The following DNAH7 variants were observed in gnomAD, a reference collection of about 807,000 sequenced individuals.
The protein encoded by DNAH7 is axonemal beta dynein heavy chain 7.
Under a neutral mutation model 444.6 loss-of-function variants are expected in DNAH7, and 397 were observed. The ratio of observed to expected loss-of-function variants is 0.89; its 90% CI spans 0.82 to 0.97. DNAH7 has a LOEUF of 0.97. DNAH7 is among the 50% of genes least tolerant of loss of function. The pLI is 0.00. For synonymous variants in DNAH7, 1,636 were observed against 1,624.4 expected, an observed-to-expected ratio of 1.01 and a Z score of -0.17; for missense variants, 4,902 against 4,800.8, an observed-to-expected ratio of 1.02 and a Z score of -0.62.
At chr2:195,741,819 T>C (rs1693053170) in intron 63 of DNAH7, among the ~76,000 whole-genome samples, 1 of 152,202 alleles carries the variant, frequency 6.6e-6, no homozygotes, top group South Asian at 2.1e-4. Flanking sequence ...ATGGAAATGT[T>C]CTATGTGTTG....
chr2:195,812,608 C>A (rs1482325558), intron 51 of DNAH7, among the ~76,000 whole-genome samples: 6 of 152,132 alleles, frequency 3.9e-5, no homozygotes, highest in Admixed American at 3.3e-4. Flanking sequence ...ATATACCATA[C>A]TAGTCGTAAC....
intron 5 of DNAH7, 111 bp from the exon 6 acceptor site, chr2:196,028,158 G>T: frequency 1.2e-6 from 1 of 837,078 alleles, no homozygotes; most frequent in Non-Finnish European, 1.8e-6. Flanking sequence ...AAGGAAAAAT[G>T]AATTGTTGAA....
At chr2:196,051,595 G>A (rs555897111) in intron 2 of DNAH7, among the ~76,000 whole-genome samples, 12 of 152,022 alleles carry the variant, frequency 7.9e-5, no homozygotes, top group Admixed American at 5.2e-4. Flanking sequence ...GTGAAACCCC[G>A]TCTCTACTAA....
chr2:195,770,549 C>T (rs1694786361), intron 61 of DNAH7, among the ~76,000 whole-genome samples: 1 of 152,034 alleles, frequency 6.6e-6, no homozygotes, highest in African/African-American at 2.4e-5. Flanking sequence ...CTGAAATACT[C>T]TTCCCTGAAA....
At chr2:195,888,680 A>C (rs1366157091) in intron 32 of DNAH7, 119 bp downstream of exon 32, 10 of 1,096,602 alleles carry the variant, frequency 9.1e-6, no homozygotes, top group Admixed American at 2.9e-5. Context: ...TGAGAATCAC[A>C]GATCGCTCTT....
At chr2:195,999,221 G>T (rs1337249188) in intron 12 of DNAH7, 7 of 717,302 alleles carry the variant, frequency 9.8e-6, no homozygotes, top group South Asian at 8.9e-5. Context: ...AAGTAAAAAT[G>T]TCCTGGTTTT....
rs202225297 is a variant in DNAH7 at position 195,861,934 on chromosome 2, C to T, written c.7519G>A (p.Asp2507Asn). ...CGTGAGGCAACTGCCTGGAGTGCAT[C>T]TTCAGGCCATGACTAAATGTAAGAT... ...TIDWFQSWPEDALQAVASRFL... is the reference protein window; with the variant it reads ...TIDWFQSWPENALQAVASRFL... The change falls in exon 42 of 65, where the codon GAT becomes AAT. Residue 2507 changes from aspartate (D) to asparagine (N), a missense_variant. Coordinates refer to ENST00000312428, the MANE Select transcript of DNAH7 (RefSeq NM_018897.3). 70 of 1,612,970 alleles carry T rather than the reference C, an allele frequency of 4.3e-5. No homozygotes were observed. Among genetic ancestry groups the T allele is most frequent in the Non-Finnish European group, 4.9e-5 (58 of 1,179,114 alleles).
chr2:196,051,452 C>T (rs986456993), intron 2 of DNAH7, among the ~76,000 whole-genome samples: 3 of 152,026 alleles, frequency 2.0e-5, no homozygotes, highest in Non-Finnish European at 4.4e-5. Flanking sequence ...AAATTATATC[C>T]AGCAATACTT....
At chr2:195,965,847 TTCTC>T (rs1156815533) in intron 17 of DNAH7, among the ~76,000 whole-genome samples, 2 of 152,250 alleles carry the variant, frequency 1.3e-5, no homozygotes, top group South Asian at 2.1e-4. Flanking sequence ...CATTTGGGTC[TTCTC>T]TCTTTTTTTC....
intron 2 of DNAH7, among the ~76,000 whole-genome samples, chr2:196,054,975 G>A (rs763431033): frequency 5.3e-5 from 8 of 152,224 alleles, no homozygotes; most frequent in South Asian, 2.1e-4. Flanking sequence ...ACCCAGTTTC[G>A]GGTATTTCTT....
chr2:195,995,236 A>T (rs1184382762), intron 12 of DNAH7: 1 of 390,344 alleles, frequency 2.6e-6, no homozygotes, highest in Non-Finnish European at 5.0e-6. Flanking sequence ...CTATTTTTAG[A>T]CTTCTTAATG....
Position 196,068,802 on chromosome 2 carries a change from G to A in DNAH7, c.-91C>T, listed in dbSNP as rs760366729. 1.1e-5 allele frequency: 16 copies of A among 1,503,312 alleles called. No individual in the cohort carries two copies. Among genetic ancestry groups the A allele is most frequent in the Non-Finnish European group, 1.4e-5 (16 of 1,112,198 alleles). 93.1% of individuals were successfully genotyped at this position (1,503,312 alleles called of 1,614,324 possible). ...CGATAGAGGCAGGGCCCCGGGACTT[G>A]CAGCGGTCTCAGCTCCCTCCGCACC... is the stretch of plus-strand genomic sequence containing the variant. On this transcript the variant is annotated 5_prime_UTR_variant, in exon 1 of 65. Transcript: ENST00000312428.
At position 195,799,331 on chromosome 2, in the gene DNAH7, G is replaced by A. The variant is rs759353626; in HGVS notation, c.10318C>T (p.Pro3440Ser). Residue 3440 changes from proline to serine, a missense_variant, in exon 55 of 65, where the codon CCC becomes TCC. Transcript: ENST00000312428. ...LIFVLSPGAD[P>S]MAALLKFADD... ...GCAAATTTTAGAAGGGCAGCCATGG[G>A]ATCTGCTCCAGGAGAGAGCACGAAA... is the stretch of plus-strand genomic sequence containing the variant. 1.5e-5 allele frequency: 24 copies of A among 1,602,278 alleles called. No individual in the cohort carries two copies. The Admixed American group carries it at 3.9e-4, about 26-fold the overall frequency.
Position 195,782,129 on chromosome 2 carries a change from C to A in DNAH7, c.10879-4144G>T, listed in dbSNP as rs370388361. On this transcript the variant is annotated intron_variant, in intron 58 of 64. Coordinates refer to ENST00000312428, the MANE Select transcript of DNAH7 (RefSeq NM_018897.3). ...ACACTTTTAATTTTTTCTATTTAGTCTTTTTGGATCCAACAGAAATTATAT... is the reference window on the plus strand; with the variant it reads ...ACACTTTTAATTTTTTCTATTTAGTATTTTTGGATCCAACAGAAATTATAT... Among the ~76,000 whole-genome samples the A allele has an allele frequency of 1.1e-4, 17 of 152,166 alleles. No individual in the cohort carries two copies. The East Asian group carries it at 1.3e-3, about 12-fold the overall frequency.
At position 195,771,776 on chromosome 2, in the gene DNAH7, A is replaced by ACCTC. The variant is rs771903410; in HGVS notation, c.11313_11316dup (p.Tyr3773GlufsTer23). ...ATGCTCTGAGTATAAGTTGTTGGGT[A>ACCTC]CCTCCTCATGGCAGCCTCGATGTCG... On this transcript the variant is annotated frameshift_variant, in exon 61 of 65. Transcript: ENST00000312428. LOFTEE classifies it high-confidence loss of function. 3 of 1,614,082 alleles carry ACCTC rather than the reference A, an allele frequency of 1.9e-6. No individual in the cohort carries two copies. Among genetic ancestry groups the ACCTC allele is most frequent in the Non-Finnish European group, 2.5e-6 (3 of 1,180,020 alleles).
chr2:195,998,964 G>A, intron 12 of DNAH7: 1 of 610,734 alleles, frequency 1.6e-6, no homozygotes, highest in South Asian at 2.1e-5. Flanking sequence ...GCAGAAGTGA[G>A]CAGCTGCCCT....
intron 61 of DNAH7, among the ~76,000 whole-genome samples, chr2:195,762,047 T>C (rs546121742): frequency 4.6e-5 from 7 of 152,046 alleles, no homozygotes; most frequent in African/African-American, 1.4e-4. Context: ...ACAGAGACAG[T>C]ATAATAGGAT....
At chr2:195,795,979 T>C (rs1371339019) in intron 56 of DNAH7, 1 of 152,436 alleles carries the variant, frequency 6.6e-6, no homozygotes, top group African/African-American at 2.4e-5. Flanking sequence ...TTTTCTCTGT[T>C]TGTTGAGATC....
At chr2:196,048,899 G>C (rs1279223927) in intron 3 of DNAH7, among the ~76,000 whole-genome samples, 1 of 152,174 alleles carries the variant, frequency 6.6e-6, no homozygotes. Context: ...GAAGGCTAAT[G>C]ATGATAGGTT....
Sources: gnomAD v4.1 joint callset for allele counts (sites outside exome capture counted in the v4.1 genomes callset) on GRCh38, gnomAD v4.1.1 for gene constraint, MANE v1.5 for transcripts, NCBI Gene and HGNC (gene_info 2026-07-23, HGNC 2026-07-21) for gene names.